ARHGEF37: variants seen among roughly 807,000 people sequenced by gnomAD.
The protein encoded by ARHGEF37 is Rho guanine nucleotide exchange factor (GEF) 37.
In ARHGEF37, 55 loss-of-function variants were observed where a neutral mutation model predicts 71.1. The observed-to-expected ratio is 0.77, with a 90% CI of 0.62 to 0.97. ARHGEF37 has a LOEUF of 0.97. Ranked by LOEUF, ARHGEF37 falls within the 50% of genes least tolerant of loss-of-function variation. The probability of loss-of-function intolerance (pLI) is 0.00; values close to 1 mark genes in which losing one functional copy is unlikely to be tolerated. For missense variants in ARHGEF37, 765 were observed against 836.8 expected (o/e 0.91, Z 1.06); for synonymous variants, 327 against 350.6 (o/e 0.93, Z 0.75).
rs528696792 is a variant in ARHGEF37, at chr5:149,612,316, G to C, written c.458+2621G>C. On this transcript the variant is annotated intron_variant, in intron 4 of 12. Transcript: ENST00000333677. ...CCGAGTAGCTGGGACTACAGGCGCC[G>C]GCCACCACGCCCGGCTAATTTTTTG... Among the ~76,000 whole-genome samples, 253 of 152,032 alleles carry C rather than the reference G, an allele frequency of 1.7e-3. 2 individuals are homozygous for C. The highest frequency in any genetic ancestry group is 5.6e-3 in the South Asian group (27 of 4,808).
At position 149,618,322 on chromosome 5, in the gene ARHGEF37, G is replaced by A. The variant is rs751239872; in HGVS notation, c.789+16G>A. 3.1e-6 allele frequency: 5 copies of A among 1,613,816 alleles called. No individual in the cohort carries two copies. Among genetic ancestry groups the A allele is most frequent in the Non-Finnish European group, 3.4e-6 (4 of 1,179,948 alleles). ...GATCCCCAGGGTGAGCGTGCGCCTG[G>A]GAGGAAGAGTCACATCCAGCCACCC... On this transcript the variant is annotated intron_variant, in intron 6 of 12. Transcript: ENST00000333677.
At chr5:149,587,340 T>C (rs1763267482) in intron 1 of ARHGEF37, among the ~76,000 whole-genome samples, 1 of 152,218 alleles carries the variant, frequency 6.6e-6, no homozygotes, top group Non-Finnish European at 1.5e-5. Context: ...ATACATCTGA[T>C]CAATGGTAAT....
intron 3 of ARHGEF37, among the ~76,000 whole-genome samples, chr5:149,608,914 G>A (rs956533993): frequency 6.6e-6 from 1 of 152,098 alleles, no homozygotes; most frequent in Admixed American, 6.5e-5. Context: ...GCCAGGAGTG[G>A]TGGCTCACAG....
At chr5:149,608,367 G>A (rs980075488) in intron 3 of ARHGEF37, among the ~76,000 whole-genome samples, 3 of 150,978 alleles carry the variant, frequency 2.0e-5, no homozygotes, top group Admixed American at 6.6e-5. Flanking sequence ...TAACAAATAT[G>A]CAAACAAATT....
At chr5:149,616,537 T>C in intron 4 of ARHGEF37, 30 bp from the exon 5 acceptor site, 2 of 1,574,812 alleles carry the variant, frequency 1.3e-6, no homozygotes, top group Non-Finnish European at 1.7e-6. Context: ...GGGTGGGATT[T>C]ACCTGCCTAA....
chr5:149,562,016 T>C (rs1328839419), intron 1 of ARHGEF37, among the ~76,000 whole-genome samples: 1 of 152,198 alleles, frequency 6.6e-6, no homozygotes, highest in African/African-American at 2.4e-5. Context: ...GGAAGATGCT[T>C]GAGTTGCCAT....
chr5:149,551,720 T>C (rs1000294173), upstream of ARHGEF37, among the ~76,000 whole-genome samples: 7 of 152,236 alleles, frequency 4.6e-5, no homozygotes, highest in Non-Finnish European at 1.0e-4. Context: ...GCCTTGATAT[T>C]GGGAGGAGTC....
chr5:149,626,465 G>A (rs970680062), intron 10 of ARHGEF37, among the ~76,000 whole-genome samples: 17 of 152,126 alleles, frequency 1.1e-4, no homozygotes, highest in Non-Finnish European at 1.8e-4. Flanking sequence ...AAGTGCCACC[G>A]AATCATTCTT....
rs1752903868 is a variant in ARHGEF37 at position 149,632,155 on chromosome 5, G to A, written c.1992G>A (p.Arg664=). ...YVPSGFLARA[R]SPVLWGWSLP... ...CTTCTGGCTTCTTGGCCAGGGCTCG[G>A]AGCCCAGTTCTGTGGGGCTGGAGTC... The change falls in exon 13 of 13, where the codon CGG becomes CGA. Residue 664 remains arginine, a synonymous_variant. Transcript: ENST00000333677. 1 of 1,614,122 alleles carries A rather than the reference G, an allele frequency of 6.2e-7. No homozygotes were observed. The highest frequency in any genetic ancestry group is 1.3e-5 in the African/African-American group (1 of 74,940).
Position 149,632,483 on chromosome 5 carries a change from C to G in ARHGEF37, c.*292C>G. 2.3e-6 allele frequency: 1 copy of G among 435,336 alleles called. No individual in the cohort carries two copies. The highest frequency in any genetic ancestry group is 4.3e-6 in the Non-Finnish European group (1 of 234,922). 27.0% of individuals were successfully genotyped at this position (435,336 alleles called of 1,614,324 possible). ...GCAGGTCACAGCTGATTGGCCAGGA[C>G]TCTCCATAGGTTATGGCCAGTCTTA... On this transcript the variant is annotated 3_prime_UTR_variant, in exon 13 of 13. Coordinates refer to ENST00000333677, the MANE Select transcript of ARHGEF37 (RefSeq NM_001001669.3).
intron 10 of ARHGEF37, among the ~76,000 whole-genome samples, chr5:149,624,430 G>A (rs1752623232): frequency 6.6e-6 from 1 of 152,168 alleles, no homozygotes. Context: ...GTAATGATGG[G>A]CAACTGGCAT....
intron 3 of ARHGEF37, among the ~76,000 whole-genome samples, chr5:149,609,002 T>A (rs1763995830): frequency 6.6e-6 from 1 of 151,962 alleles, no homozygotes; most frequent in Admixed American, 6.6e-5. Context: ...CTGGCCAACA[T>A]GGTGAAACCC....
upstream of ARHGEF37, among the ~76,000 whole-genome samples, chr5:149,580,240 T>C (rs570547688): frequency 6.6e-6 from 1 of 152,196 alleles, no homozygotes; most frequent in East Asian, 1.9e-4. Context: ...TTTCTATTTT[T>C]GGTAGAGATG....
chr5:149,574,931 C>A lies in ARHGEF37; in HGVS notation c.-12+22808C>A, dbSNP rs75885888. ...AATACTACAACTTCCTAAATGATTT[C>A]TCACCTCAGCCTTATGTCTTCTGGG... is the stretch of plus-strand genomic sequence containing the variant. On this transcript the variant is annotated intron_variant, in intron 1 of 2. Transcript: ENST00000505810. 5.4e-3 allele frequency among the ~76,000 whole-genome samples: 827 copies of A among 152,332 alleles called. 3 individuals carry two copies. The highest frequency in any genetic ancestry group is 8.4e-3 in the Non-Finnish European group (569 of 68,038).
intron 3 of ARHGEF37, among the ~76,000 whole-genome samples, chr5:149,601,451 G>A (rs1763753131): frequency 2.0e-5 from 3 of 152,202 alleles, no homozygotes; most frequent in Admixed American, 2.0e-4. Flanking sequence ...CAGAGACAGA[G>A]AGGAACATGC....
intron 1 of ARHGEF37, among the ~76,000 whole-genome samples, chr5:149,573,024 G>T (rs763853313): frequency 2.0e-5 from 3 of 152,174 alleles, no homozygotes; most frequent in Non-Finnish European, 4.4e-5. Context: ...GTCATAATCT[G>T]GCAGAAAAGG....
chr5:149,618,140 T>C (rs370511963), intron 5 of ARHGEF37, 36 bp from the exon 6 acceptor site: 6 of 1,612,072 alleles, frequency 3.7e-6, no homozygotes, highest in Admixed American at 1.7e-5. Flanking sequence ...TGAGTTGGCT[T>C]GATCACCGTG....
rs79956793 is a variant in ARHGEF37 at position 149,633,498 on chromosome 5, G to T, written c.*1307G>T. ...TTGGAGCCCCTCAAAAACAGTTCCTGTTCAAGGAGGACTGACCTGCTGGGG... is the reference window on the plus strand; with the variant it reads ...TTGGAGCCCCTCAAAAACAGTTCCTTTTCAAGGAGGACTGACCTGCTGGGG... On this transcript the variant is annotated 3_prime_UTR_variant, in exon 13 of 13. Transcript: ENST00000333677. 6.6e-6 allele frequency: 1 copy of T among 152,288 alleles called. No homozygotes were observed. Among genetic ancestry groups the T allele is most frequent in the Non-Finnish European group, 1.5e-5 (1 of 68,094 alleles). The allele number at this position is 152,288 out of a possible 1,614,324, so 9.4% of individuals were successfully genotyped here.
chr5:149,553,446 AG>A (rs1762713142), intron 1 of ARHGEF37, among the ~76,000 whole-genome samples: 1 of 152,018 alleles, frequency 6.6e-6, no homozygotes, highest in South Asian at 2.1e-4. Flanking sequence ...AAAAAAAAAA[AG>A]CCAAGTTTAA....
Sources: gnomAD v4.1 joint callset for allele counts (sites outside exome capture counted in the v4.1 genomes callset) on GRCh38, gnomAD v4.1.1 for gene constraint, MANE v1.5 for transcripts, NCBI Gene and HGNC (gene_info 2026-07-23, HGNC 2026-07-21) for gene names.